The following PCDHGA12 variants were observed in gnomAD, a reference collection of about 807,000 sequenced individuals.
PCDHGA12 encodes the protein protocadherin gamma-A12.
PCDHGA12 carries 43 observed loss-of-function variants against 61.1 expected under a neutral mutation model. That is an observed-to-expected ratio of 0.70 (90% CI 0.55 to 0.91). The LOEUF (loss-of-function observed/expected upper bound fraction) is 0.91. PCDHGA12 is among the 40% of genes least tolerant of loss of function. PCDHGA12 has a pLI of 0.00. For synonymous variants in PCDHGA12, 520 were observed against 542.9 expected (o/e 0.96, Z 0.59); for missense variants, 1,236 against 1,227.7 (o/e 1.01, Z -0.10).
chr5:141,485,682 A>G lies in PCDHGA12; in HGVS notation c.2425-9125A>G, dbSNP rs779441999. Reference sequence around the variant, plus strand: ...GTGGGGAGCAATTCGATTAGCAGCTATAGGCTGAGCTCCAATGAACACTTT... The same window carrying G: ...GTGGGGAGCAATTCGATTAGCAGCTGTAGGCTGAGCTCCAATGAACACTTT... On this transcript the variant is annotated intron_variant, in intron 1 of 3. Coordinates refer to ENST00000252085, the MANE Select transcript of PCDHGA12 (RefSeq NM_003735.3). This position sits in a 1 kb window ranked among gnomAD's most constrained non-coding sequence, Gnocchi z 5.7. 6.2e-7 allele frequency: 1 copy of G among 1,614,076 alleles called. No homozygotes were observed. Among genetic ancestry groups the G allele is most frequent in the Non-Finnish European group, 8.5e-7 (1 of 1,179,964 alleles).
At chr5:141,475,778 T>A (rs1204790631) in intron 1 of PCDHGA12, among the ~76,000 whole-genome samples, 1 of 152,400 alleles carries the variant, frequency 6.6e-6, no homozygotes. Context: ...GCGCTTTGGC[T>A]GGAAACTCTG....
rs760572189 is a variant in PCDHGA12 at position 141,477,159 on chromosome 5, A to G, written c.2425-17648A>G. ...GTGGAGGTTGTGGATGTGAATGACA[A>G]CGCCCCGGAGATCACAGTCACCTCC... is the stretch of plus-strand genomic sequence containing the variant. On this transcript the variant is annotated intron_variant, in intron 1 of 3. Transcript: ENST00000252085. The surrounding 1 kb of genome is among the most constrained non-coding windows in gnomAD (Gnocchi z 4.9). The G allele has an allele frequency of 1.7e-5, 28 of 1,613,854 alleles. No individual in the cohort carries two copies. In the South Asian group the frequency reaches 3.1e-4, roughly 18 times the overall value.
rs2233610 is a variant in PCDHGA12, at chr5:141,505,535, G to A, written c.2572+54G>A. ...AGTGGGAGACCTGGGGTTCTGGGGT[G>A]CATCTCACAGCCACCATGCCCACGG... is the stretch of plus-strand genomic sequence containing the variant. On this transcript the variant is annotated intron_variant, in intron 3 of 3. Transcript: ENST00000252085. 12 of 1,610,344 alleles carry A rather than the reference G, an allele frequency of 7.5e-6. No individual in the cohort carries two copies. The East Asian group carries it at 1.8e-4, about 24-fold the overall frequency.
chr5:141,453,791 A>G (rs979646024), intron 1 of PCDHGA12, among the ~76,000 whole-genome samples: 2 of 152,268 alleles, frequency 1.3e-5, no homozygotes, highest in African/African-American at 2.4e-5. Context: ...ATGGTATATT[A>G]ACTTTGAGTA....
In PCDHGA12 at chr5:141,477,696, A is replaced by T. The variant is rs778604051; in HGVS notation, c.2425-17111A>T. The T allele has an allele frequency of 2.1e-5, 34 of 1,614,054 alleles. No individual in the cohort carries two copies. Among genetic ancestry groups the T allele is most frequent in the Non-Finnish European group, 2.9e-5 (34 of 1,180,044 alleles). On this transcript the variant is annotated intron_variant, in intron 1 of 3. Transcript: ENST00000252085. This position sits in a 1 kb window ranked among gnomAD's most constrained non-coding sequence, Gnocchi z 4.9. ...GTGTCATCCTTAGTGCCCCTAGACT[A>T]TGAGGATCGGCGGGAATTTGAATTA...
rs745334496 is a variant in PCDHGA12 at position 141,478,302 on chromosome 5, C to A, written c.2425-16505C>A. 47 of 1,613,952 alleles carry A rather than the reference C, an allele frequency of 2.9e-5. 1 individual carries two copies. In the Admixed American group the frequency reaches 7.0e-4, roughly 24 times the overall value. On this transcript the variant is annotated intron_variant, in intron 1 of 3. Transcript: ENST00000252085. ...AAGCAGTCTAGAGACCTATACCGAGCCCCGGTGAGCTCACTGTACCGAACA... is the reference window on the plus strand; with the variant it reads ...AAGCAGTCTAGAGACCTATACCGAGACCCGGTGAGCTCACTGTACCGAACA...
At chr5:141,453,521 T>A (rs1311886024) in intron 1 of PCDHGA12, among the ~76,000 whole-genome samples, 2 of 152,148 alleles carry the variant, frequency 1.3e-5, no homozygotes, top group Non-Finnish European at 2.9e-5. Flanking sequence ...TCCTCCCCTA[T>A]ACCTTCTGCC....
At chr5:141,470,112 G>T (rs1186184232) in intron 1 of PCDHGA12, among the ~76,000 whole-genome samples, 1 of 152,104 alleles carries the variant, frequency 6.6e-6, no homozygotes, top group Non-Finnish European at 1.5e-5. Flanking sequence ...CTGAGCAACA[G>T]AGCAAGACTT....
At chr5:141,475,583 G>A (rs1181419200) in intron 1 of PCDHGA12, among the ~76,000 whole-genome samples, 1 of 152,198 alleles carries the variant, frequency 6.6e-6, no homozygotes, top group Non-Finnish European at 1.5e-5. Context: ...CAGATTTGTT[G>A]GTGTTTTTCC....
rs749937052 is a variant in PCDHGA12, at chr5:141,490,441, G to A, written c.2425-4366G>A. ...CCTGCCATTTCAGATTAAGCCTTCT[G>A]AGAACCACTACTCGCTGCTAACCAG... On this transcript the variant is annotated intron_variant, in intron 1 of 3. Coordinates refer to ENST00000252085, the MANE Select transcript of PCDHGA12 (RefSeq NM_003735.3). The surrounding 1 kb of genome is among the most constrained non-coding windows in gnomAD (Gnocchi z 5.4). The A allele has an allele frequency of 9.3e-6, 15 of 1,614,208 alleles. No homozygotes were observed. The highest frequency in any genetic ancestry group is 1.2e-5 in the Non-Finnish European group (14 of 1,180,042).
intron 1 of PCDHGA12, among the ~76,000 whole-genome samples, chr5:141,444,735 C>A (rs924159168): frequency 1.3e-5 from 2 of 152,116 alleles, no homozygotes; most frequent in Admixed American, 1.3e-4. Context: ...TGTTGAAAGT[C>A]ATTTCACTGA....
At chr5:141,451,049 C>T (rs538627151) in intron 1 of PCDHGA12, among the ~76,000 whole-genome samples, 1 of 151,422 alleles carries the variant, frequency 6.6e-6, no homozygotes, top group African/African-American at 2.4e-5. Context: ...AGGCTGGTCT[C>T]GAACTCCTGA....
At chr5:141,433,321 G>T in intron 1 of PCDHGA12, 138 bp downstream of exon 1, 1 of 788,106 alleles carries the variant, frequency 1.3e-6, no homozygotes. Flanking sequence ...TGCCTCCGGT[G>T]TAACAGGGAC....
chr5:141,476,158 G>A lies in PCDHGA12; in HGVS notation c.2425-18649G>A. 2 of 1,612,868 alleles carry A rather than the reference G, an allele frequency of 1.2e-6. No homozygotes were observed. Among genetic ancestry groups the A allele is most frequent in the Non-Finnish European group, 1.7e-6 (2 of 1,179,894 alleles). On this transcript the variant is annotated intron_variant, in intron 1 of 3. Transcript: ENST00000252085. The surrounding 1 kb of genome is among the most constrained non-coding windows in gnomAD (Gnocchi z 7.6). ...GGAGGAGCGGACTGGTAAGCACCGGGAGGGTAGTGGGAGTTTTGCTTCTGC... is the reference window on the plus strand; with the variant it reads ...GGAGGAGCGGACTGGTAAGCACCGGAAGGGTAGTGGGAGTTTTGCTTCTGC...
chr5:141,445,975 G>A (rs1279186740), intron 1 of PCDHGA12, among the ~76,000 whole-genome samples: 1 of 152,124 alleles, frequency 6.6e-6, no homozygotes, highest in Non-Finnish European at 1.5e-5. Flanking sequence ...TGATTTATGA[G>A]GGTTATAAAT....
chr5:141,488,040 G>A (rs1212272063), intron 1 of PCDHGA12, among the ~76,000 whole-genome samples: 1 of 152,112 alleles, frequency 6.6e-6, no homozygotes, highest in Non-Finnish European at 1.5e-5. Flanking sequence ...CATTTCCCAA[G>A]GGATTGAGGG....
chr5:141,446,854 C>T (rs1474444931), intron 1 of PCDHGA12, among the ~76,000 whole-genome samples: 1 of 152,134 alleles, frequency 6.6e-6, no homozygotes, highest in Non-Finnish European at 1.5e-5. Context: ...AATAAGCTTC[C>T]TGATAGCTCT....
At chr5:141,507,680 A>C (rs73794928) in intron 3 of PCDHGA12, among the ~76,000 whole-genome samples, 2,806 of 152,362 alleles carry the variant, frequency 0.018, 91 homozygotes, top group African/African-American at 0.063. Flanking sequence ...GATGTTAAAA[A>C]CAGAAATGAA....
In PCDHGA12 at chr5:141,432,510, C is replaced by A; in HGVS notation, c.1751C>A (p.Pro584His). 1 of 1,614,140 alleles carries A rather than the reference C, an allele frequency of 6.2e-7. No homozygotes were observed. The highest frequency in any genetic ancestry group is 8.5e-7 in the Non-Finnish European group (1 of 1,180,042). Residue 584 changes from proline to histidine, a missense_variant, in exon 1 of 4, where the codon CCC becomes CAC. By Grantham distance (77) the Pro-to-His change is moderately conservative. Coordinates refer to ENST00000252085, the MANE Select transcript of PCDHGA12 (RefSeq NM_003735.3). The surrounding 1 kb of genome is among the most constrained non-coding windows in gnomAD (Gnocchi z 6.0). The part of the protein sequence containing the change: ...GVELAPRSAE[P>H]GYLVTKVVAV... ...GAGCTGGCTCCCCGCTCCGCAGAGCCCGGCTACCTGGTGACCAAGGTGGTG... is the reference window on the plus strand; with the variant it reads ...GAGCTGGCTCCCCGCTCCGCAGAGCACGGCTACCTGGTGACCAAGGTGGTG...
Sources: allele counts gnomAD v4.1 joint callset (sites outside exome capture counted in the v4.1 genomes callset), GRCh38; gene constraint gnomAD v4.1.1; non-coding constraint Gnocchi (gnomAD v3.1); transcripts MANE v1.5; gene names NCBI Gene and HGNC (gene_info 2026-07-23, HGNC 2026-07-21).